Variants in STAMBP observed in about 807,000 individuals in gnomAD.
STAMBP encodes the protein STAM-binding protein.
STAMBP carries 31 observed loss-of-function variants against 50.7 expected under a neutral mutation model. The observed-to-expected ratio is 0.61, with a 90% confidence interval of 0.46 to 0.83. STAMBP has a LOEUF of 0.83. STAMBP is among the 40% of genes least tolerant of loss of function. The pLI, the probability that STAMBP is intolerant of heterozygous loss-of-function variation, is 0.00. For synonymous variants in STAMBP, 211 were observed against 192.4 expected, an observed-to-expected ratio of 1.10 and a Z score of -0.80; for missense variants, 472 against 518.9, an observed-to-expected ratio of 0.91 and a Z score of 0.88.
chr2:73,855,215 C>A (rs1269677592), intron 7 of STAMBP, among the ~76,000 whole-genome samples: 3 of 152,186 alleles, frequency 2.0e-5, no homozygotes, highest in African/African-American at 7.2e-5. Flanking sequence ...GAGCCATTTC[C>A]CTTTAGGGAA....
At chr2:73,860,583 C>A (rs13384232) in intron 9 of STAMBP, 54,840 of 982,782 alleles carry the variant, frequency 0.056, 1,699 homozygotes, top group African/African-American at 0.1. Flanking sequence ...GAAGCCACTT[C>A]AGATAGGTAA....
At chr2:73,868,717 C>G (rs1439586138), downstream of STAMBP, among the ~76,000 whole-genome samples, 1 of 151,700 alleles carries the variant, frequency 6.6e-6, no homozygotes, top group African/African-American at 2.4e-5. Context: ...AACCCTGTCT[C>G]TACAAAAAAC....
downstream of STAMBP, among the ~76,000 whole-genome samples, chr2:73,867,411 G>C (rs530621326): frequency 1.3e-4 from 20 of 152,288 alleles, no homozygotes; most frequent in African/African-American, 4.6e-4. Context: ...AGATGTGGTG[G>C]CACATGCCTG....
Position 73,829,174 on chromosome 2 carries a change from C to T in STAMBP, c.-349C>T, listed in dbSNP as rs1314767651. ...TCTCCGCGGGCTGGCGCCTGACCAG[C>T]CAGGCCCAGCGGTTCCCCGCCTACT... On this transcript the variant is annotated 5_prime_UTR_variant, in exon 1 of 10. Coordinates refer to ENST00000394070, the MANE Select transcript of STAMBP (RefSeq NM_213622.4). 1 of 152,304 alleles carries T rather than the reference C, an allele frequency of 6.6e-6. No individual in the cohort carries two copies. Among genetic ancestry groups the T allele is most frequent in the Non-Finnish European group, 1.5e-5 (1 of 68,104 alleles). 9.4% of individuals were successfully genotyped at this position (152,304 alleles called of 1,614,324 possible). A position where few individuals can be genotyped will look rare whatever the true frequency, so the allele number is the denominator to read the frequency against.
intron 2 of STAMBP, among the ~76,000 whole-genome samples, chr2:73,832,351 A>T: frequency 6.6e-6 from 1 of 151,052 alleles, no homozygotes; most frequent in East Asian, 1.9e-4. Context: ...GCTACTTGGG[A>T]GGCTAAGGCA....
At position 73,837,584 on chromosome 2, in the gene STAMBP, CAAAAAAAAAA is replaced by C. The variant is rs56397494; in HGVS notation, c.203+6544_203+6553del. ...TGGGCAACAGAGCGAGACTCCATCT[CAAAAAAAAAA>C]AAAAAAAAAAAAAAAAAAGAACACA... On this transcript the variant is annotated intron_variant, in intron 2 of 9. Coordinates refer to ENST00000394070, the MANE Select transcript of STAMBP (RefSeq NM_213622.4). Among the ~76,000 whole-genome samples, 16 of 40,916 alleles carry C rather than the reference CAAAAAAAAAA, an allele frequency of 3.9e-4. No homozygotes were observed. The South Asian group carries it at 0.015, about 37-fold the overall frequency. 26.8% of individuals were successfully genotyped at this position (40,916 alleles called of 152,430 possible).
rs1171306773 is a variant in STAMBP, at chr2:73,865,390, G to A, written c.*3131G>A. 1.3e-5 allele frequency: 2 copies of A among 152,168 alleles called. No individual in the cohort carries two copies. Among genetic ancestry groups the A allele is most frequent in the African/African-American group, 4.8e-5 (2 of 41,426 alleles). The allele number at this position is 152,168 out of a possible 1,614,324, so 9.4% of individuals were successfully genotyped here. On this transcript the variant is annotated 3_prime_UTR_variant, in exon 10 of 10. Transcript: ENST00000394070. Reference sequence around the variant, plus strand: ...TGTTTTAACCCCACCTGAGTTTGGAGACCAGTTTGTCCAAGGATCTTTCAA... The same window carrying A: ...TGTTTTAACCCCACCTGAGTTTGGAAACCAGTTTGTCCAAGGATCTTTCAA...
chr2:73,844,772 T>C, intron 2 of STAMBP, 41 bp from the exon 3 acceptor site: 1 of 1,556,450 alleles, frequency 6.4e-7, no homozygotes, highest in Non-Finnish European at 8.9e-7. Flanking sequence ...TATGGACATT[T>C]GGACCATTTG....
intron 7 of STAMBP, among the ~76,000 whole-genome samples, chr2:73,858,297 C>G (rs1241943633): frequency 6.6e-6 from 1 of 151,546 alleles, no homozygotes; most frequent in Non-Finnish European, 1.5e-5. Context: ...CGCCACCACG[C>G]CCAGCCAACT....
intron 7 of STAMBP, among the ~76,000 whole-genome samples, chr2:73,853,438 T>C (rs2104591943): frequency 6.6e-6 from 1 of 152,260 alleles, no homozygotes; most frequent in East Asian, 1.9e-4. Context: ...AAATATATAC[T>C]TTAGGCCGGG....
At chr2:73,859,714 T>TAATAAAAA (rs60263632) in intron 8 of STAMBP, among the ~76,000 whole-genome samples, 58,487 of 147,780 alleles carry the variant, frequency 0.4, 12,387 homozygotes, top group African/African-American at 0.58. Flanking sequence ...TAAAAAAATA[T>TAATAAAAA]AATAAAAAAA....
rs2104718138 is a variant in STAMBP at position 73,863,027 on chromosome 2, T to C, written c.*768T>C. 6.6e-6 allele frequency: 1 copy of C among 152,338 alleles called. No homozygotes were observed. The highest frequency in any genetic ancestry group is 2.4e-5 in the African/African-American group (1 of 41,584). 9.4% of individuals were successfully genotyped at this position (152,338 alleles called of 1,614,324 possible). A position where few individuals can be genotyped will look rare whatever the true frequency, so the allele number is the denominator to read the frequency against. On this transcript the variant is annotated 3_prime_UTR_variant, in exon 10 of 10. Coordinates refer to ENST00000394070, the MANE Select transcript of STAMBP (RefSeq NM_213622.4). Reference sequence around the variant, plus strand: ...ATGGTGTGTCCCAGTTCACTTTTAATTACTCCTTGTTTTTTATCTGCCTGT... The same window carrying C: ...ATGGTGTGTCCCAGTTCACTTTTAACTACTCCTTGTTTTTTATCTGCCTGT...
intron 7 of STAMBP, among the ~76,000 whole-genome samples, chr2:73,858,487 T>C (rs1677873529): frequency 6.6e-6 from 1 of 152,112 alleles, no homozygotes; most frequent in African/African-American, 2.4e-5. Flanking sequence ...ATAGTCTATA[T>C]GTTTTGAAAT....
intron 2 of STAMBP, among the ~76,000 whole-genome samples, chr2:73,837,985 G>A (rs553164789): frequency 1.3e-5 from 2 of 152,294 alleles, no homozygotes; most frequent in South Asian, 2.1e-4. Flanking sequence ...AAAAAGGAGA[G>A]TAGCCACCTA....
chr2:73,829,235 G>C lies in STAMBP; in HGVS notation c.-288G>C, dbSNP rs1673578840. On this transcript the variant is annotated 5_prime_UTR_variant, in exon 1 of 10. Transcript: ENST00000394070. ...GATCCCGAAAACCCTGGATGATTGTGCCTGGGGTTGGCAAGTTCGTCTTGA... is the reference window on the plus strand; with the variant it reads ...GATCCCGAAAACCCTGGATGATTGTCCCTGGGGTTGGCAAGTTCGTCTTGA... The C allele has an allele frequency of 6.6e-6, 1 of 152,334 alleles. No homozygotes were observed. The highest frequency in any genetic ancestry group is 1.5e-5 in the Non-Finnish European group (1 of 68,126). 9.4% of individuals were successfully genotyped at this position (152,334 alleles called of 1,614,324 possible).
At position 73,846,756 on chromosome 2, in the gene STAMBP, T is replaced by C. The variant is rs562506326; in HGVS notation, c.376-631T>C. Among the ~76,000 whole-genome samples, 20 of 152,266 alleles carry C rather than the reference T, an allele frequency of 1.3e-4. No homozygotes were observed. The South Asian group carries it at 4.1e-3, about 32-fold the overall frequency. ...GAGAGAAGAATAAAACTGTCTGTGA[T>C]ACAGGTTAGGAGAACACAGATAGTA... is the stretch of plus-strand genomic sequence containing the variant. On this transcript the variant is annotated intron_variant, in intron 4 of 9. Transcript: ENST00000394070.
intron 2 of STAMBP, among the ~76,000 whole-genome samples, chr2:73,843,314 C>G (rs1675651353): frequency 6.7e-6 from 1 of 149,250 alleles, no homozygotes; most frequent in Non-Finnish European, 1.5e-5. Flanking sequence ...CCTCCTGCCT[C>G]AGCCTCCCAA....
chr2:73,849,290 G>A (rs1676505886), intron 5 of STAMBP, 73 bp from the exon 6 acceptor site: 3 of 1,608,344 alleles, frequency 1.9e-6, no homozygotes, highest in African/African-American at 1.3e-5. Flanking sequence ...CTCCTCCAGG[G>A]CTGCTGGCTG....
At position 73,842,976 on chromosome 2, in the gene STAMBP, A is replaced by G. The variant is rs1477632406; in HGVS notation, c.204-1837A>G. 2.6e-5 allele frequency among the ~76,000 whole-genome samples: 4 copies of G among 152,322 alleles called. No individual in the cohort carries two copies. The South Asian group carries it at 6.2e-4, about 24-fold the overall frequency. ...TTTCTTAGCTGATTCAGGCCTCAAT[A>G]CAAAGCACATTCAGCCTGCTAAAGG... is the stretch of plus-strand genomic sequence containing the variant. On this transcript the variant is annotated intron_variant, in intron 2 of 9. Coordinates refer to ENST00000394070, the MANE Select transcript of STAMBP (RefSeq NM_213622.4).
Sources: gnomAD v4.1 joint callset for allele counts (sites outside exome capture counted in the v4.1 genomes callset) on GRCh38, gnomAD v4.1.1 for gene constraint, MANE v1.5 for transcripts, NCBI Gene and HGNC (gene_info 2026-07-23, HGNC 2026-07-21) for gene names.